GPAT3: variants seen among roughly 807,000 people sequenced by gnomAD.
GPAT3 encodes the protein glycerol-3-phosphate acyltransferase 3.
A neutral mutation model predicts 58.8 loss-of-function variants in GPAT3; 53 were observed. That is an observed-to-expected ratio of 0.90 (90% confidence interval 0.72 to 1.13). GPAT3 has a LOEUF of 1.13. Ranked by LOEUF, GPAT3 falls within the 50% of genes most tolerant of loss-of-function variation. The pLI is 0.00. For synonymous variants in GPAT3, 197 were observed against 187.4 expected (o/e 1.05, Z -0.42); for missense variants, 511 against 527.6 (o/e 0.97, Z 0.31).
chr4:83,594,690 T>C (rs1214862290), intron 6 of GPAT3, among the ~76,000 whole-genome samples, 155 bp from the exon 7 acceptor site: 1 of 152,246 alleles, frequency 6.6e-6, no homozygotes, highest in Non-Finnish European at 1.5e-5. Flanking sequence ...TTGCTTACAT[T>C]TGGCCTTTCA....
intron 11 of GPAT3, 43 bp from the exon 12 acceptor site, chr4:83,604,625 C>G (rs1267667525): frequency 6.7e-7 from 1 of 1,500,602 alleles, no homozygotes; most frequent in African/African-American, 1.4e-5. Context: ...TTTTAAATCA[C>G]CGCTGTAAAG....
intron 2 of GPAT3, among the ~76,000 whole-genome samples, chr4:83,550,819 A>T (rs1724722914): frequency 6.6e-6 from 1 of 152,130 alleles, no homozygotes; most frequent in Non-Finnish European, 1.5e-5. Context: ...TTGTGGGGGC[A>T]GGGGTGCAGT....
At chr4:83,568,302 G>A (rs112611037) in intron 2 of GPAT3, among the ~76,000 whole-genome samples, 5 of 152,134 alleles carry the variant, frequency 3.3e-5, no homozygotes, top group African/African-American at 1.2e-4. Context: ...ATTGAGTAGC[G>A]CTTAGGAAAA....
intron 3 of GPAT3, among the ~76,000 whole-genome samples, chr4:83,584,061 A>G (rs1030895459): frequency 1.3e-5 from 2 of 152,216 alleles, no homozygotes; most frequent in Non-Finnish European, 2.9e-5. Context: ...GGTAACCTGA[A>G]GGAAGAATGA....
intron 11 of GPAT3, among the ~76,000 whole-genome samples, chr4:83,603,908 TATACAGTACCCTTACC>T (rs1727161523): frequency 6.6e-6 from 1 of 152,140 alleles, no homozygotes; most frequent in African/African-American, 2.4e-5. Context: ...TACCCACACA[TATACAGTACCCTTACC>T]ATTTCTTCTG....
intron 11 of GPAT3, among the ~76,000 whole-genome samples, chr4:83,600,841 A>G (rs2110111775): frequency 6.6e-6 from 1 of 152,338 alleles, no homozygotes; most frequent in South Asian, 2.1e-4. Context: ...ATGTTAAATT[A>G]GCAGGCTGTC....
At chr4:83,563,478 C>CTTTTTTTTTTTTTTTTTTTTTTTTTTT (rs908400401) in intron 2 of GPAT3, among the ~76,000 whole-genome samples, 5 of 114,458 alleles carry the variant, frequency 4.4e-5, no homozygotes, top group East Asian at 2.7e-4. Flanking sequence ...TTTCTTTCTT[C>CTTTTTTTTTTTTTTTTTTTTTTTTTTT]TTTTTTTTTT....
chr4:83,562,225 AAT>A (rs1553944929), intron 2 of GPAT3, among the ~76,000 whole-genome samples: 1 of 61,400 alleles, frequency 1.6e-5, no homozygotes. Flanking sequence ...ATATATATAT[AAT>A]ATATATATAA....
At chr4:83,568,691 T>C (rs1014325445) in intron 2 of GPAT3, among the ~76,000 whole-genome samples, 5 of 152,044 alleles carry the variant, frequency 3.3e-5, no homozygotes, top group Non-Finnish European at 2.9e-5. Context: ...GTATTTTTAC[T>C]AGAGACGGGG....
intron 2 of GPAT3, among the ~76,000 whole-genome samples, chr4:83,563,691 G>C (rs892676065): frequency 1.3e-5 from 2 of 151,900 alleles, no homozygotes; most frequent in African/African-American, 4.8e-5. Flanking sequence ...ATGTTGGCCA[G>C]GCTGGTCTCG....
chr4:83,567,274 A>G (rs1341696283), intron 2 of GPAT3, among the ~76,000 whole-genome samples: 1 of 152,152 alleles, frequency 6.6e-6, no homozygotes, highest in East Asian at 1.9e-4. Context: ...CCCAATAAAG[A>G]TCATGTCAAC....
Position 83,536,631 on chromosome 4 carries a change from C to T in GPAT3, c.9C>T (p.Gly3=), listed in dbSNP as rs375247636. Residue 3 remains glycine, a synonymous_variant, in exon 1 of 12, where the codon GGC becomes GGT. Coordinates refer to ENST00000264409, the MANE Select transcript of GPAT3 (RefSeq NM_032717.5). ...AGTGGGTGCGCCGAGTCATGGAGGG[C>T]GCAGAGCTGGCCGGGAAGATCCTTT... ME[G]AELAGKILST... The T allele has an allele frequency of 2.2e-5, 36 of 1,612,252 alleles. No individual in the cohort carries two copies. The highest frequency in any genetic ancestry group is 2.9e-5 in the Non-Finnish European group (34 of 1,179,852).
intron 2 of GPAT3, among the ~76,000 whole-genome samples, chr4:83,567,146 AT>A (rs33990613): frequency 0.029 from 4,370 of 151,570 alleles, 235 homozygotes; most frequent in African/African-American, 0.1. Context: ...TTTGTACTTC[AT>A]TTTTTTTCTC....
At chr4:83,594,412 T>C (rs377636716) in intron 6 of GPAT3, among the ~76,000 whole-genome samples, 3 of 152,332 alleles carry the variant, frequency 2.0e-5, no homozygotes, top group African/African-American at 7.2e-5. Flanking sequence ...ATTTTGTAGA[T>C]GTTGCCAAAT....
intron 1 of GPAT3, among the ~76,000 whole-genome samples, chr4:83,540,292 C>T (rs1578156047): frequency 6.6e-6 from 1 of 151,972 alleles, no homozygotes; most frequent in East Asian, 1.9e-4. Flanking sequence ...TATCTTTCAA[C>T]TTTCCTTGGG....
chr4:83,604,017 TA>T, intron 11 of GPAT3, among the ~76,000 whole-genome samples: 1 of 152,266 alleles, frequency 6.6e-6, no homozygotes, highest in Non-Finnish European at 1.5e-5. Context: ...TAAGGAATAA[TA>T]TAGAGAAATA....
intron 6 of GPAT3, among the ~76,000 whole-genome samples, chr4:83,593,166 C>CTGTTTTTTTTTTTT (rs1726673028): frequency 8.9e-6 from 1 of 112,358 alleles, no homozygotes; most frequent in Non-Finnish European, 1.8e-5. Context: ...CGAGCCAGGA[C>CTGTTTTTTTTTTTT]TTTTTTTTTT....
chr4:83,591,955 A>G (rs1726617641), intron 6 of GPAT3, among the ~76,000 whole-genome samples: 1 of 152,208 alleles, frequency 6.6e-6, no homozygotes, highest in Admixed American at 6.5e-5. Flanking sequence ...GGTATAAGGC[A>G]GAAGGGCCAA....
At chr4:83,546,400 A>G (rs1007618700) in intron 2 of GPAT3, among the ~76,000 whole-genome samples, 2 of 142,542 alleles carry the variant, frequency 1.4e-5, no homozygotes, top group African/African-American at 5.2e-5. Context: ...TTTTTTGCCT[A>G]TACAGAAATG....
Sources: gnomAD v4.1 joint callset for allele counts (sites outside exome capture counted in the v4.1 genomes callset) on GRCh38, gnomAD v4.1.1 for gene constraint, MANE v1.5 for transcripts, NCBI Gene and HGNC (gene_info 2026-07-23, HGNC 2026-07-21) for gene names.